The following DIAPH3 variants were observed in gnomAD, a reference collection of about 807,000 sequenced individuals.
The protein encoded by DIAPH3 is protein diaphanous homolog 3.
A neutral mutation model predicts 144.3 loss-of-function variants in DIAPH3; 117 were observed. The ratio of observed to expected loss-of-function variants is 0.81; its 90% CI spans 0.70 to 0.95. The LOEUF is 0.95. Ranked by LOEUF, DIAPH3 falls within the 40% of genes least tolerant of loss-of-function variation. The pLI, the probability that DIAPH3 is intolerant of heterozygous loss-of-function variation, is 0.00. For synonymous variants in DIAPH3, 519 were observed against 488.9 expected (o/e 1.06, Z -0.81); for missense variants, 1,421 against 1,412.7 (o/e 1.01, Z -0.09).
At chr13:59,740,276 G>T (rs1235311164) in intron 27 of DIAPH3, among the ~76,000 whole-genome samples, 1 of 152,198 alleles carries the variant, frequency 6.6e-6, no homozygotes, top group Non-Finnish European at 1.5e-5. Context: ...GAGTCAGAAA[G>T]ATCTGAGTTC....
intron 17 of DIAPH3, among the ~76,000 whole-genome samples, chr13:59,961,243 T>C (rs2049736543): frequency 6.6e-6 from 1 of 152,212 alleles, no homozygotes. Flanking sequence ...AGCTAACATT[T>C]CCTGAGCAAC....
intron 17 of DIAPH3, among the ~76,000 whole-genome samples, chr13:59,948,950 T>C (rs539363993): frequency 6.6e-5 from 10 of 152,306 alleles, no homozygotes; most frequent in African/African-American, 9.6e-5. Flanking sequence ...AAAGATCTTA[T>C]ACATGATTCA....
At chr13:60,011,295 T>A (rs922927951) in intron 7 of DIAPH3, among the ~76,000 whole-genome samples, 1 of 151,934 alleles carries the variant, frequency 6.6e-6, no homozygotes, top group Non-Finnish European at 1.5e-5. Context: ...CAGAAGCATA[T>A]GAAACAAACA....
chr13:60,053,915 T>C (rs1244712329), intron 4 of DIAPH3, among the ~76,000 whole-genome samples: 2 of 152,084 alleles, frequency 1.3e-5, no homozygotes, highest in African/African-American at 2.4e-5. Context: ...ATAATGCCAA[T>C]ATCAATCAGG....
chr13:60,027,147 A>C (rs1442503100), intron 5 of DIAPH3, among the ~76,000 whole-genome samples: 1 of 152,210 alleles, frequency 6.6e-6, no homozygotes, highest in South Asian at 2.1e-4. Flanking sequence ...AAGGTGACTA[A>C]ATACTTAAAA....
intron 22 of DIAPH3, among the ~76,000 whole-genome samples, chr13:59,851,780 G>A (rs549918358): frequency 4.0e-5 from 6 of 151,474 alleles, no homozygotes; most frequent in South Asian, 2.1e-4. Flanking sequence ...GCACCACCAC[G>A]CCCAGTTTTT....
chr13:59,842,562 C>T (rs1031844762), intron 22 of DIAPH3, among the ~76,000 whole-genome samples: 7 of 151,976 alleles, frequency 4.6e-5, no homozygotes, highest in Non-Finnish European at 1.0e-4. Flanking sequence ...TACTAACTAC[C>T]CAGATTTAGT....
chr13:59,895,758 T>C (rs1286887474), intron 20 of DIAPH3, among the ~76,000 whole-genome samples: 12 of 152,020 alleles, frequency 7.9e-5, no homozygotes, highest in Non-Finnish European at 2.9e-5. Context: ...GGACAGAAAA[T>C]GGAGAAAGGC....
intron 21 of DIAPH3, among the ~76,000 whole-genome samples, chr13:59,873,677 C>CTTTTTTTT (rs57461813): frequency 4.7e-5 from 6 of 128,912 alleles, no homozygotes; most frequent in Non-Finnish European, 3.3e-5. Flanking sequence ...ACCACTTTTT[C>CTTTTTTTT]TTTTTTTTTT....
intron 25 of DIAPH3, among the ~76,000 whole-genome samples, chr13:59,797,784 G>A (rs538666352): frequency 1.4e-4 from 21 of 152,054 alleles, no homozygotes; most frequent in African/African-American, 5.1e-4. Context: ...TCCAGGAAAG[G>A]GCCACCTCCA....
At chr13:59,749,084 T>G (rs772639727) in intron 27 of DIAPH3, among the ~76,000 whole-genome samples, 1 of 150,814 alleles carries the variant, frequency 6.6e-6, no homozygotes, top group Admixed American at 6.6e-5. Flanking sequence ...TGTGGTGGCA[T>G]GAACCTATAG....
chr13:60,004,267 G>A lies in DIAPH3; in HGVS notation c.1014+4277C>T, dbSNP rs761506434. Reference sequence around the variant, plus strand: ...CAATTTATTAAAATGGAATAAAATGGGTACAAATAGTTTTATAGGAAAATT... The same window carrying A: ...CAATTTATTAAAATGGAATAAAATGAGTACAAATAGTTTTATAGGAAAATT... On this transcript the variant is annotated intron_variant, in intron 9 of 27. Coordinates refer to ENST00000400324, the MANE Select transcript of DIAPH3 (RefSeq NM_001042517.2). 4.6e-5 allele frequency among the ~76,000 whole-genome samples: 7 copies of A among 152,002 alleles called. No homozygotes were observed. In the South Asian group the frequency reaches 1.2e-3, roughly 27 times the overall value.
chr13:60,114,778 C>T (rs1460300878), intron 2 of DIAPH3, among the ~76,000 whole-genome samples: 1 of 151,756 alleles, frequency 6.6e-6, no homozygotes, highest in African/African-American at 2.4e-5. Context: ...AATAAAAATA[C>T]ATTATATACA....
chr13:59,795,643 C>T (rs1462310455), intron 25 of DIAPH3, among the ~76,000 whole-genome samples: 1 of 151,754 alleles, frequency 6.6e-6, no homozygotes, highest in African/African-American at 2.4e-5. Context: ...TTAATAGACA[C>T]AGGGTTTCAC....
chr13:59,698,578 T>A (rs2033940119), intron 27 of DIAPH3, among the ~76,000 whole-genome samples: 1 of 152,228 alleles, frequency 6.6e-6, no homozygotes, highest in African/African-American at 2.4e-5. Context: ...TCTATCTTTT[T>A]AAAATCTCTC....
chr13:59,678,079 T>C (rs2032740252), intron 27 of DIAPH3, among the ~76,000 whole-genome samples: 5 of 152,152 alleles, frequency 3.3e-5, no homozygotes, highest in Admixed American at 3.3e-4. Context: ...TAAATCTAAT[T>C]CTCCTTCCTT....
chr13:60,098,751 A>G (rs1466752456), intron 3 of DIAPH3, among the ~76,000 whole-genome samples: 1 of 152,224 alleles, frequency 6.6e-6, no homozygotes, highest in African/African-American at 2.4e-5. Flanking sequence ...CTACATAGGT[A>G]CAAAATGACA....
At chr13:59,872,528 A>G (rs944041785) in intron 21 of DIAPH3, among the ~76,000 whole-genome samples, 5 of 152,186 alleles carry the variant, frequency 3.3e-5, no homozygotes, top group African/African-American at 7.2e-5. Flanking sequence ...CCAAGAACAA[A>G]TGTTCATAAG....
rs762777029 is a variant in DIAPH3 at position 59,756,409 on chromosome 13, AAAGGAAGG to A, written c.3319+17772_3319+17779del. 3.0e-3 allele frequency among the ~76,000 whole-genome samples: 416 copies of A among 137,630 alleles called. 3 individuals are homozygous for A. Among genetic ancestry groups the A allele is most frequent in the African/African-American group, 0.011 (377 of 35,066 alleles). 90.3% of individuals were successfully genotyped at this position (137,630 alleles called of 152,430 possible). A position where few individuals can be genotyped will look rare whatever the true frequency, so the allele number is the denominator to read the frequency against. ...TAGATACATGTGGTAAATTTAGTAA[AAAGGAAGG>A]AAGGAAGGAAGGAAGGAAGGAAGGA... On this transcript the variant is annotated intron_variant, in intron 27 of 27. Transcript: ENST00000400324.
Sources: allele counts gnomAD v4.1 joint callset (sites outside exome capture counted in the v4.1 genomes callset), GRCh38; gene constraint gnomAD v4.1.1; transcripts MANE v1.5; gene names NCBI Gene and HGNC (gene_info 2026-07-23, HGNC 2026-07-21).